The following TEX11 variants were observed in gnomAD, a reference collection of about 807,000 sequenced individuals.
The protein encoded by TEX11 is testis-expressed protein 11.
A neutral mutation model predicts 84.4 loss-of-function variants in TEX11; 7 were observed. The ratio of observed to expected loss-of-function variants is 0.08; its 90% CI spans 0.05 to 0.16. The LOEUF (loss-of-function observed/expected upper bound fraction) is 0.16. TEX11 is among the 10% of genes least tolerant of loss of function. The pLI, the probability that TEX11 is intolerant of heterozygous loss-of-function variation, is 1.00. For synonymous variants in TEX11, 264 were observed against 222.8 expected, an observed-to-expected ratio of 1.18 and a Z score of -1.64; for missense variants, 551 against 660.5, an observed-to-expected ratio of 0.83 and a Z score of 1.82.
downstream of TEX11, among the ~76,000 whole-genome samples, chrX:70,526,662 C>T (rs189495081): frequency 8.1e-5 from 9 of 111,490 alleles, no homozygotes; most frequent in East Asian, 5.6e-4. Flanking sequence ...TTCATCTATA[C>T]GTATGTACAC....
chrX:70,784,316 A>G (rs954316338), intron 9 of TEX11, among the ~76,000 whole-genome samples: 6 of 111,715 alleles, frequency 5.4e-5, no homozygotes, highest in Admixed American at 2.9e-4. Context: ...CTAGGTATTG[A>G]TGGAACGTAT....
intron 8 of TEX11, among the ~76,000 whole-genome samples, chrX:70,829,583 A>G (rs1022634222): frequency 7.2e-5 from 8 of 111,333 alleles, no homozygotes; most frequent in African/African-American, 2.3e-4. Flanking sequence ...AGTAGAAAGA[A>G]TAAATGATGA....
At chrX:70,647,610 G>A (rs755920673) in intron 17 of TEX11, among the ~76,000 whole-genome samples, 8 of 108,487 alleles carry the variant, frequency 7.4e-5, no homozygotes, top group African/African-American at 2.0e-4. Context: ...AGGCTGCAAT[G>A]AGCCGTGATC....
At chrX:70,584,240 G>C (rs370173576) in intron 25 of TEX11, among the ~76,000 whole-genome samples, 2 of 105,029 alleles carry the variant, frequency 1.9e-5, no homozygotes, top group Non-Finnish European at 3.9e-5. Context: ...CCGAGATTAC[G>C]CCACTGCAGT....
intron 2 of TEX11, among the ~76,000 whole-genome samples, chrX:70,898,074 T>A (rs758026455): frequency 1.5e-4 from 17 of 111,749 alleles, no homozygotes; most frequent in Admixed American, 7.7e-4. Context: ...ATTTCTTGAA[T>A]GCCTGGTGTC....
chrX:70,527,870 GTA>G (rs1432052220), downstream of TEX11, among the ~76,000 whole-genome samples: 1 of 112,188 alleles, frequency 8.9e-6, no homozygotes, highest in Non-Finnish European at 1.9e-5. Flanking sequence ...GATAAAGGGT[GTA>G]TGTCAATTCT....
chrX:70,708,717 G>C (rs1448292509), intron 13 of TEX11, among the ~76,000 whole-genome samples: 1 of 111,002 alleles, frequency 9.0e-6, no homozygotes, highest in Non-Finnish European at 1.9e-5. Flanking sequence ...AATACCACAT[G>C]TTCTCACTTA....
intron 16 of TEX11, among the ~76,000 whole-genome samples, chrX:70,658,886 A>C (rs1041283885): frequency 1.8e-5 from 2 of 111,936 alleles, no homozygotes; most frequent in Non-Finnish European, 3.8e-5. Context: ...TATAATAGAG[A>C]GCCCAGAAAT....
At chrX:70,831,840 T>C (rs2091378493) in intron 8 of TEX11, among the ~76,000 whole-genome samples, 1 of 111,562 alleles carries the variant, frequency 9.0e-6, no homozygotes, top group African/African-American at 3.3e-5. Flanking sequence ...GGTGATCTTT[T>C]CACAATGTAT....
chrX:70,846,578 T>C (rs1307669039), intron 7 of TEX11, among the ~76,000 whole-genome samples: 1 of 112,259 alleles, frequency 8.9e-6, no homozygotes, highest in African/African-American at 3.2e-5. Context: ...TTTTCTACTA[T>C]TATCTTATGA....
chrX:70,527,158 T>C (rs2087830785), downstream of TEX11, among the ~76,000 whole-genome samples: 2 of 112,128 alleles, frequency 1.8e-5, no homozygotes, highest in African/African-American at 6.5e-5. Flanking sequence ...GAATCACCAA[T>C]GGATGCTAAA....
At chrX:70,894,671 A>G (rs2091758059) in intron 2 of TEX11, among the ~76,000 whole-genome samples, 1 of 110,880 alleles carries the variant, frequency 9.0e-6, no homozygotes, top group African/African-American at 3.3e-5. Context: ...GCACATCAAA[A>G]AGGCTTATCC....
intron 16 of TEX11, among the ~76,000 whole-genome samples, chrX:70,663,003 TA>T (rs2089944617): frequency 8.9e-6 from 1 of 112,094 alleles, no homozygotes; most frequent in Non-Finnish European, 1.9e-5. Context: ...ATGTAAATTA[TA>T]TTTTTATAAA....
At chrX:70,748,615 A>T (rs1047789122) in intron 9 of TEX11, among the ~76,000 whole-genome samples, 11 of 106,821 alleles carry the variant, frequency 1.0e-4, no homozygotes, top group African/African-American at 3.8e-4. Flanking sequence ...TAAGGAAGGG[A>T]TCCAGTTTCA....
intron 17 of TEX11, among the ~76,000 whole-genome samples, chrX:70,634,938 T>A (rs757278986): frequency 8.9e-6 from 1 of 112,263 alleles, no homozygotes; most frequent in Admixed American, 9.4e-5. Flanking sequence ...TTAAAACTTC[T>A]GTTCATGAAA....
At chrX:70,787,610 T>A (rs1483468263) in intron 9 of TEX11, among the ~76,000 whole-genome samples, 1 of 106,327 alleles carries the variant, frequency 9.4e-6, no homozygotes, top group African/African-American at 3.5e-5. Flanking sequence ...ATTACAGATA[T>A]GAGCCACTGC....
At chrX:70,629,480 G>T in intron 18 of TEX11, 131 bp downstream of exon 18, 1 of 743,799 alleles carries the variant, frequency 1.3e-6, no homozygotes, top group Non-Finnish European at 2.0e-6. Flanking sequence ...CTGCAACCAA[G>T]TTTGGCATGA....
rs1433357782 is a variant in TEX11 at position 70,554,651 on chromosome X, T to C, written c.2290A>G (p.Ile764Val). The change falls in exon 26 of 30, where the codon ATA (isoleucine) becomes GTA (valine). Residue 764 changes from isoleucine (I) to valine (V), a missense_variant and splice_region_variant. Coordinates refer to ENST00000374333, the MANE Select transcript of TEX11 (RefSeq NM_031276.3). The stretch of plus-strand genomic sequence containing the variant: ...ACAAAAGCATAAATATAGCTCTTAC[T>C]TGCAATTGTTTCAAAAGTTTTAGTT... ...LETKTFETIA[I>V]IAMEKPAHYP... The C allele has an allele frequency of 2.2e-5, 26 of 1,193,397 alleles. No homozygotes were observed. Among genetic ancestry groups the C allele is most frequent in the Non-Finnish European group, 2.8e-5 (25 of 888,461 alleles).
chrX:70,533,526 A>G (rs2087915944), intron 28 of TEX11, among the ~76,000 whole-genome samples: 2 of 111,526 alleles, frequency 1.8e-5, no homozygotes, highest in African/African-American at 6.5e-5. Flanking sequence ...GAGTGGCGAG[A>G]AAATAAAGGA....
Sources: gnomAD v4.1 joint callset for allele counts (sites outside exome capture counted in the v4.1 genomes callset) on GRCh38, gnomAD v4.1.1 for gene constraint, MANE v1.5 for transcripts, NCBI Gene and HGNC (gene_info 2026-07-23, HGNC 2026-07-21) for gene names.